Variants in MAN1A1 observed in about 807,000 individuals in gnomAD.
MAN1A1 encodes mannosidase alpha class 1A member 1, also known as mannosyl-oligosaccharide 1,2-alpha-mannosidase IA.
In MAN1A1, 29 loss-of-function variants were observed where a neutral mutation model predicts 70.8. The ratio of observed to expected loss-of-function variants is 0.41; its 90% CI spans 0.31 to 0.56. The LOEUF (loss-of-function observed/expected upper bound fraction) is 0.56. Among genes scored for constraint, MAN1A1 ranks in the 20% least tolerant of loss-of-function variants. The probability of loss-of-function intolerance (pLI) is 0.29; values close to 1 mark genes in which losing one functional copy is unlikely to be tolerated. For missense variants in MAN1A1, 747 were observed against 841.3 expected (o/e 0.89, Z 1.39); for synonymous variants, 349 against 330.1 (o/e 1.06, Z -0.62).
At position 119,180,367 on chromosome 6, in the gene MAN1A1, G is replaced by A. The variant is rs768317868; in HGVS notation, c.1780C>T (p.Leu594Phe). 43 of 1,613,768 alleles carry A rather than the reference G, an allele frequency of 2.7e-5. No homozygotes were observed. The highest frequency in any genetic ancestry group is 2.2e-4 in the Admixed American group (13 of 59,978). The change falls in exon 12 of 13, where the codon CTT (leucine) becomes TTT (phenylalanine). Residue 594 changes from leucine (L) to phenylalanine (F), a missense_variant. Leu to Phe is a conservative substitution (Grantham distance 22, BLOSUM62 0). Coordinates refer to ENST00000368468, the MANE Select transcript of MAN1A1 (RefSeq NM_005907.4). ...TGCACATCATCATAACTCTCATGAAGAAGGTAAACATCCCTTAGGCCTGAA... is the reference window on the plus strand; with the variant it reads ...TGCACATCATCATAACTCTCATGAAAAAGGTAAACATCCCTTAGGCCTGAA... ...GYSGLRDVYLLHESYDDVQQS... is the reference protein window; with the variant it reads ...GYSGLRDVYLFHESYDDVQQS...
intron 6 of MAN1A1, among the ~76,000 whole-genome samples, chr6:119,242,943 G>A (rs1328024064): frequency 2.0e-5 from 3 of 151,976 alleles, no homozygotes; most frequent in Non-Finnish European, 2.9e-5. Context: ...ATAAAAGAGG[G>A]AAGTGGGGAA....
intron 5 of MAN1A1, among the ~76,000 whole-genome samples, chr6:119,258,149 C>T (rs73767300): frequency 3.4e-4 from 51 of 152,200 alleles, no homozygotes; most frequent in African/African-American, 1.2e-3. Context: ...TAATATGTGA[C>T]ATCATAGGGT....
intron 4 of MAN1A1, among the ~76,000 whole-genome samples, chr6:119,291,786 T>C (rs1214686802): frequency 6.6e-6 from 1 of 152,056 alleles, no homozygotes; most frequent in East Asian, 1.9e-4. Flanking sequence ...ATAAAGGACA[T>C]GATAATAATC....
At position 119,177,286 on chromosome 6, in the gene MAN1A1, C is replaced by T. The variant is rs754198562; in HGVS notation, c.*2533G>A. On this transcript the variant is annotated 3_prime_UTR_variant, in exon 13 of 13. Transcript: ENST00000368468. ...AAAATTATGTGTCAATCTATTGTTT[C>T]CCATAACATTGGAGATTTATATATA... The T allele has an allele frequency of 2.6e-5, 4 of 151,898 alleles. No individual in the cohort carries two copies. The highest frequency in any genetic ancestry group is 5.9e-5 in the Non-Finnish European group (4 of 67,880). The allele number at this position is 151,898 out of a possible 1,614,324, so 9.4% of individuals were successfully genotyped here.
chr6:119,190,415 A>G (rs1233387788), intron 9 of MAN1A1, among the ~76,000 whole-genome samples: 1 of 152,178 alleles, frequency 6.6e-6, no homozygotes, highest in Non-Finnish European at 1.5e-5. Flanking sequence ...CAGCTCTGAC[A>G]CTATCTCTAA....
intron 5 of MAN1A1, among the ~76,000 whole-genome samples, chr6:119,266,451 T>G (rs1285413789): frequency 6.6e-6 from 1 of 152,072 alleles, no homozygotes; most frequent in Non-Finnish European, 1.5e-5. Flanking sequence ...CAATTGATCT[T>G]TGACAAAGGA....
rs1054850373 is a variant in MAN1A1, at chr6:119,302,003, A to C, written c.801T>G (p.Asn267Lys). The change falls in exon 4 of 13, where the codon AAT (asparagine) becomes AAG (lysine). Residue 267 changes from asparagine (N) to lysine (K), a missense_variant. Coordinates refer to ENST00000368468, the MANE Select transcript of MAN1A1 (RefSeq NM_005907.4). ...TTTAACTTACCACATTAAAATCTAA[A>C]TTTTCTTCAACCCATGATTTTGCTT... ...FEEAKSWVEE[N>K]LDFNVNAEIS... 8.9e-6 allele frequency: 14 copies of C among 1,571,554 alleles called. No homozygotes were observed. The highest frequency in any genetic ancestry group is 1.1e-5 in the Non-Finnish European group (13 of 1,143,746).
At chr6:119,235,913 G>A (rs150727388) in intron 6 of MAN1A1, among the ~76,000 whole-genome samples, 17 of 152,148 alleles carry the variant, frequency 1.1e-4, no homozygotes, top group East Asian at 1.9e-4. Context: ...CAAGGTGGGC[G>A]GATCACTTGA....
chr6:119,348,428 C>A, intron 2 of MAN1A1, 35 bp downstream of exon 2: 1 of 1,516,726 alleles, frequency 6.6e-7, no homozygotes. Context: ...AAAAACACGG[C>A]CGGTCGGGAG....
Position 119,349,015 on chromosome 6 carries a change from G to T in MAN1A1, c.51C>A (p.Val17=), listed in dbSNP as rs747395762. The T allele has an allele frequency of 7.3e-7, 1 of 1,376,166 alleles. No homozygotes were observed. The highest frequency in any genetic ancestry group is 3.5e-5 in the Admixed American group (1 of 28,698). The allele number at this position is 1,376,166 out of a possible 1,614,324, so 85.2% of individuals were successfully genotyped here. ...CGCCGCCGCCGAGCCCCCCGCCCAGGACGCCGCCCGCGGGGCTGCTGAAGA... is the reference window on the plus strand; with the variant it reads ...CGCCGCCGCCGAGCCCCCCGCCCAGTACGCCGCCCGCGGGGCTGCTGAAGA... The part of the protein sequence containing the change: ...LPLFSSPAGG[V]LGGGLGGGGG... The change falls in exon 2 of 13, where the codon GTC becomes GTA. Residue 17 remains valine, a synonymous_variant. Transcript: ENST00000368468.
intron 2 of MAN1A1, among the ~76,000 whole-genome samples, chr6:119,326,667 TG>T (rs1773154770): frequency 6.6e-6 from 1 of 152,148 alleles, no homozygotes; most frequent in Non-Finnish European, 1.5e-5. Flanking sequence ...CTTACAATCA[TG>T]GTGGAAGGTG....
chr6:119,272,089 G>A (rs558816688), intron 5 of MAN1A1, among the ~76,000 whole-genome samples: 4 of 152,152 alleles, frequency 2.6e-5, no homozygotes, highest in South Asian at 2.1e-4. Flanking sequence ...CTTCAATATC[G>A]GTGTAGTCAT....
intron 5 of MAN1A1, among the ~76,000 whole-genome samples, chr6:119,275,176 T>A (rs1337224641): frequency 6.6e-6 from 1 of 151,358 alleles, no homozygotes; most frequent in East Asian, 1.9e-4. Flanking sequence ...AGTGGCATGA[T>A]CCTGGCTCAC....
At chr6:119,264,105 C>G (rs1418810779) in intron 5 of MAN1A1, among the ~76,000 whole-genome samples, 2 of 152,166 alleles carry the variant, frequency 1.3e-5, no homozygotes, top group Non-Finnish European at 2.9e-5. Context: ...GGTAATAGGT[C>G]AGTGGTTCCC....
At chr6:119,210,562 A>G (rs1348202378) in intron 6 of MAN1A1, among the ~76,000 whole-genome samples, 1 of 152,216 alleles carries the variant, frequency 6.6e-6, no homozygotes, top group Non-Finnish European at 1.5e-5. Context: ...TATTTAAAAA[A>G]ATTTTCCAAG....
chr6:119,292,795 T>C (rs6569065), intron 4 of MAN1A1, among the ~76,000 whole-genome samples: 49,845 of 151,600 alleles, frequency 0.33, 8,591 homozygotes, highest in Non-Finnish European at 0.36. Flanking sequence ...TTAAAAGTAC[T>C]ATATATAGGT....
At chr6:119,256,961 G>A (rs1481698338) in intron 5 of MAN1A1, among the ~76,000 whole-genome samples, 3 of 152,078 alleles carry the variant, frequency 2.0e-5, no homozygotes, top group African/African-American at 7.2e-5. Flanking sequence ...ATAAGCATAA[G>A]ATATACAACA....
Position 119,228,603 on chromosome 6 carries a change from A to AT in MAN1A1, c.992+19656dup, listed in dbSNP as rs760587170. On this transcript the variant is annotated intron_variant, in intron 6 of 12. Transcript: ENST00000368468. Reference sequence around the variant, plus strand: ...ATAGCTCAGACTCTTTTAGAAAACTATTTTTTTTAAAGAAAAACCCCTAAT... The same window carrying AT: ...ATAGCTCAGACTCTTTTAGAAAACTATTTTTTTTTAAAGAAAAACCCCTAAT... Among the ~76,000 whole-genome samples the AT allele has an allele frequency of 3.0e-4, 46 of 151,958 alleles. No individual in the cohort carries two copies. The East Asian group carries it at 3.1e-3, about 10-fold the overall frequency.
Position 119,348,811 on chromosome 6 carries a change from G to T in MAN1A1, c.255C>A (p.Asp85Glu). The T allele has an allele frequency of 6.9e-7, 1 of 1,451,878 alleles. No homozygotes were observed. Among genetic ancestry groups the T allele is most frequent in the Non-Finnish European group, 9.1e-7 (1 of 1,097,146 alleles). The allele number at this position is 1,451,878 out of a possible 1,614,324, so 89.9% of individuals were successfully genotyped here. ...CGCGCGCCCCGGGCCCGGGCTTGTG[G>T]TCGGCGGCCGGCTGCAAGGCGGGGC... is the stretch of plus-strand genomic sequence containing the variant. ...HSSPALQPAA[D>E]HKPGPGARAE... The change falls in exon 2 of 13, where the codon GAC (aspartate) becomes GAA (glutamate). Residue 85 changes from aspartate to glutamate, a missense_variant. Asp to Glu is a conservative substitution (Grantham distance 45). Coordinates refer to ENST00000368468, the MANE Select transcript of MAN1A1 (RefSeq NM_005907.4).
Sources: gnomAD v4.1 joint callset for allele counts (sites outside exome capture counted in the v4.1 genomes callset) on GRCh38, gnomAD v4.1.1 for gene constraint, MANE v1.5 for transcripts, NCBI Gene and HGNC (gene_info 2026-07-23, HGNC 2026-07-21) for gene names.